CXXC1: variants seen among roughly 807,000 people sequenced by gnomAD.
CXXC1 encodes the protein CXXC finger protein 1, also known as CXXC-type zinc finger protein 1.
In CXXC1, 21 loss-of-function variants were observed where a neutral mutation model predicts 83.6. The ratio of observed to expected loss-of-function variants is 0.25; its 90% CI spans 0.18 to 0.36. CXXC1 has a LOEUF of 0.36. CXXC1 is among the 10% of genes least tolerant of loss of function. The probability of loss-of-function intolerance (pLI) is 1.00; values close to 1 mark genes in which losing one functional copy is unlikely to be tolerated. For synonymous variants in CXXC1, 371 were observed against 337.5 expected, an observed-to-expected ratio of 1.10 and a Z score of -1.09; for missense variants, 688 against 919.5, an observed-to-expected ratio of 0.75 and a Z score of 3.26.
At position 50,285,482 on chromosome 18, in the gene CXXC1, C is replaced by G; in HGVS notation, c.640-131G>C. 8.4e-7 allele frequency: 1 copy of G among 1,187,552 alleles called. No individual in the cohort carries two copies. Among genetic ancestry groups the G allele is most frequent in the Non-Finnish European group, 1.2e-6 (1 of 855,370 alleles). 73.6% of individuals were successfully genotyped at this position (1,187,552 alleles called of 1,614,324 possible). ...CCGCTACCCCTCATTGCCAGGAATG[C>G]TCAGCCCTGCCTGATCTGTACCAAC... On this transcript the variant is annotated intron_variant, in intron 5 of 14. Transcript: ENST00000285106. This position sits in a 1 kb window ranked among gnomAD's most constrained non-coding sequence, Gnocchi z 4.4.
rs2040695993 is a variant in CXXC1, at chr18:50,285,294, G to A, written c.666+31C>T. 1.9e-6 allele frequency: 3 copies of A among 1,610,566 alleles called. No homozygotes were observed. The highest frequency in any genetic ancestry group is 2.7e-5 in the African/African-American group (2 of 75,000). The stretch of plus-strand genomic sequence containing the variant: ...CTGGCCCTGACCGCCCTGCCCGCAT[G>A]CCCCACCCCACCCTGGGGGGCTGGA... On this transcript the variant is annotated intron_variant, in intron 6 of 14. Coordinates refer to ENST00000285106, the MANE Select transcript of CXXC1 (RefSeq NM_014593.4). The surrounding 1 kb of genome is among the most constrained non-coding windows in gnomAD (Gnocchi z 4.4).
intron 9 of CXXC1, 72 bp downstream of exon 9, chr18:50,284,306 A>G: frequency 6.6e-7 from 1 of 1,518,656 alleles, no homozygotes; most frequent in Non-Finnish European, 8.8e-7. Flanking sequence ...TGACTGGTAG[A>G]CATACAGAAG....
At chr18:50,287,128 G>A (rs778561755) in intron 1 of CXXC1, 24 of 521,648 alleles carry the variant, frequency 4.6e-5, no homozygotes, top group Non-Finnish European at 7.3e-5. Context: ...ACCCTCCATC[G>A]TGGCGCCTCA....
In CXXC1 at chr18:50,285,870, TCACACTCAC is replaced by T; in HGVS notation, c.509_517del (p.Gly170_Cys172del). ...ACAGTCCTCAGTGCGCCGACATGCCTCACACTCACCACACATGCGGGCTGACCGTTTGAT... is the reference window on the plus strand; with the variant it reads ...ACAGTCCTCAGTGCGCCGACATGCCTCACACATGCGGGCTGACCGTTTGAT... On this transcript the variant is annotated inframe_deletion, in exon 5 of 15. Coordinates refer to ENST00000285106, the MANE Select transcript of CXXC1 (RefSeq NM_014593.4). The surrounding 1 kb of genome is among the most constrained non-coding windows in gnomAD (Gnocchi z 4.4). 1 of 1,614,182 alleles carries T rather than the reference TCACACTCAC, an allele frequency of 6.2e-7. No homozygotes were observed. Among genetic ancestry groups the T allele is most frequent in the East Asian group, 2.2e-5 (1 of 44,882 alleles).
rs1243651000 is a variant in CXXC1, at chr18:50,282,561, A to G, written c.*32T>C. On this transcript the variant is annotated 3_prime_UTR_variant, in exon 15 of 15. Transcript: ENST00000285106. The surrounding 1 kb of genome is among the most constrained non-coding windows in gnomAD (Gnocchi z 5.8). ...GCACCGGGCGGCTCCCCCATCTGGA[A>G]TGCAGGGTGTAAGGGGTCCGGGCCA... 1.2e-6 allele frequency: 2 copies of G among 1,600,496 alleles called. No homozygotes were observed. The highest frequency in any genetic ancestry group is 1.7e-6 in the Non-Finnish European group (2 of 1,178,674).
chr18:50,286,674 G>C, intron 2 of CXXC1, 35 bp from the exon 3 acceptor site: 1 of 1,611,192 alleles, frequency 6.2e-7, no homozygotes, highest in East Asian at 2.2e-5. Flanking sequence ...GAGATGTGAG[G>C]GGCGCGGCCC....
chr18:50,283,908 G>A lies in CXXC1; in HGVS notation c.1399C>T (p.Arg467Cys), dbSNP rs754927781. ...TGCTTGCTCACCTCCTCATCCTCGC[G>A]CACAGCCTGCTGCTTGGCACGTAGA... is the stretch of plus-strand genomic sequence containing the variant. ...IILRAKQQAV[R>C]EDEESNEGDS... The change falls in exon 10 of 15, where the codon CGC (arginine) becomes TGC (cysteine). Residue 467 changes from arginine to cysteine, a missense_variant. By Grantham distance (180) the Arg-to-Cys change is radical. Coordinates refer to ENST00000285106, the MANE Select transcript of CXXC1 (RefSeq NM_014593.4). 9.3e-6 allele frequency: 15 copies of A among 1,613,962 alleles called. No homozygotes were observed. Among genetic ancestry groups the A allele is most frequent in the South Asian group, 3.3e-5 (3 of 91,076 alleles).
In CXXC1 at chr18:50,285,260, A is replaced by G; in HGVS notation, c.667-13T>C. On this transcript the variant is annotated splice_polypyrimidine_tract_variant and intron_variant, in intron 6 of 14. Coordinates refer to ENST00000285106, the MANE Select transcript of CXXC1 (RefSeq NM_014593.4). This position sits in a 1 kb window ranked among gnomAD's most constrained non-coding sequence, Gnocchi z 4.4. ...TCACTGGTGAGAGCTGCAGGGCAGA[A>G]TCTCAGGACTGGCCCTGACCGCCCT... is the stretch of plus-strand genomic sequence containing the variant. 1 of 1,613,946 alleles carries G rather than the reference A, an allele frequency of 6.2e-7. No individual in the cohort carries two copies. Among genetic ancestry groups the G allele is most frequent in the Middle Eastern group, 1.7e-4 (1 of 6,058 alleles).
At position 50,283,378 on chromosome 18, in the gene CXXC1, G is replaced by T; in HGVS notation, c.1575-17C>A. ...CGTGTGGCCCTGGGGATTTGGAGTA[G>T]AGAGGGCAGTAGAGGGAGGGAAGGG... On this transcript the variant is annotated splice_polypyrimidine_tract_variant and intron_variant, in intron 12 of 14. Coordinates refer to ENST00000285106, the MANE Select transcript of CXXC1 (RefSeq NM_014593.4). The T allele has an allele frequency of 6.2e-7, 1 of 1,609,706 alleles. No individual in the cohort carries two copies. Among genetic ancestry groups the T allele is most frequent in the Non-Finnish European group, 8.5e-7 (1 of 1,176,132 alleles).
chr18:50,283,188 G>T, intron 13 of CXXC1, 77 bp downstream of exon 13: 2 of 1,350,536 alleles, frequency 1.5e-6, no homozygotes, highest in South Asian at 1.2e-5. Context: ...AAAGTGAGGT[G>T]AGGAAGGAAG....
chr18:50,284,278 G>A, intron 9 of CXXC1, 100 bp downstream of exon 9: 1 of 1,513,262 alleles, frequency 6.6e-7, no homozygotes, highest in East Asian at 2.3e-5. Context: ...GCTGTTTGGT[G>A]ACTGGTGGAT....
At position 50,285,429 on chromosome 18, in the gene CXXC1, C is replaced by A; in HGVS notation, c.640-78G>T. 6.7e-7 allele frequency: 1 copy of A among 1,486,766 alleles called. No individual in the cohort carries two copies. The highest frequency in any genetic ancestry group is 1.3e-5 in the South Asian group (1 of 74,304). 92.1% of individuals were successfully genotyped at this position (1,486,766 alleles called of 1,614,324 possible). On this transcript the variant is annotated intron_variant, in intron 5 of 14. Coordinates refer to ENST00000285106, the MANE Select transcript of CXXC1 (RefSeq NM_014593.4). The surrounding 1 kb of genome is among the most constrained non-coding windows in gnomAD (Gnocchi z 4.4). Reference sequence around the variant, plus strand: ...CTTGCCCTAGCCCTACCCACCTGGCCTGGCCTTACCTCCCCAGACACACCT... The same window carrying A: ...CTTGCCCTAGCCCTACCCACCTGGCATGGCCTTACCTCCCCAGACACACCT...
chr18:50,287,454 C>T (rs2040733450), intron 1 of CXXC1, 133 bp downstream of exon 1: 2 of 1,088,294 alleles, frequency 1.8e-6, no homozygotes, highest in Non-Finnish European at 1.4e-6. Flanking sequence ...ATCATTCTGC[C>T]CATAGACTCC....
Position 50,286,190 on chromosome 18 carries a change from C to T in CXXC1, c.291G>A (p.Arg97=), listed in dbSNP as rs1433299690. The T allele has an allele frequency of 1.9e-6, 3 of 1,613,750 alleles. No individual in the cohort carries two copies. Among genetic ancestry groups the T allele is most frequent in the Non-Finnish European group, 2.5e-6 (3 of 1,179,974 alleles). ...KKSRERDGNE[R]DSSEPRDEGG... ...CCTCATCCCGGGGCTCACTGCTGTC[C>T]CGCTCATTGCCATCCCGCTCCCGTG... The change falls in exon 4 of 15, where the codon CGG becomes CGA. Residue 97 remains arginine, a synonymous_variant. Coordinates refer to ENST00000285106, the MANE Select transcript of CXXC1 (RefSeq NM_014593.4).
chr18:50,285,041 A>G lies in CXXC1; in HGVS notation c.873T>C (p.Tyr291=), dbSNP rs2040690701. ...CAAAGGCCCCTGCACAGAAGTCCTG[A>G]TACAGGTCAGGATCCAGAGGTAGGT... ...DEDLPLDPDL[Y]QDFCAGAFDD... Residue 291 remains tyrosine, a synonymous_variant, in exon 7 of 15, where the codon TAT becomes TAC. Transcript: ENST00000285106. This position sits in a 1 kb window ranked among gnomAD's most constrained non-coding sequence, Gnocchi z 4.4. The G allele has an allele frequency of 6.2e-7, 1 of 1,614,106 alleles. No homozygotes were observed. Among genetic ancestry groups the G allele is most frequent in the Non-Finnish European group, 8.5e-7 (1 of 1,180,046 alleles).
At position 50,284,829 on chromosome 18, in the gene CXXC1, C is replaced by T; in HGVS notation, c.923G>A (p.Ser308Asn). 2 of 1,614,174 alleles carry T rather than the reference C, an allele frequency of 1.2e-6. No homozygotes were observed. Among genetic ancestry groups the T allele is most frequent in the Admixed American group, 1.7e-5 (1 of 60,026 alleles). Residue 308 changes from serine to asparagine, a missense_variant, in exon 8 of 15, where the codon AGC (serine) becomes AAC (asparagine). By Grantham distance (46) the Ser-to-Asn change is conservative. This residue lies in a region of CXXC1 where 190 missense variants were observed against 199.7 expected (regional missense o/e 0.95). Transcript: ENST00000285106. ...AFDDHGLPWM[S>N]DTEESPFLDP... Reference sequence around the variant, plus strand: ...CAGGAATGGGGACTCTTCTGTGTCGCTCATCCAGGGCTGCAAGCAGGGCAT... The same window carrying T: ...CAGGAATGGGGACTCTTCTGTGTCGTTCATCCAGGGCTGCAAGCAGGGCAT...
chr18:50,283,217 G>T, intron 13 of CXXC1, 48 bp downstream of exon 13: 1 of 1,490,536 alleles, frequency 6.7e-7, no homozygotes, highest in South Asian at 1.1e-5. Context: ...GTGGGACAGC[G>T]AGGCAGGGAG....
chr18:50,285,311 G>C lies in CXXC1; in HGVS notation c.666+14C>G. ...GCCCGCATGCCCCACCCCACCCTGG[G>C]GGGCTGGACTCACCGAGGAAGGGAA... On this transcript the variant is annotated intron_variant, in intron 6 of 14. Transcript: ENST00000285106. This position sits in a 1 kb window ranked among gnomAD's most constrained non-coding sequence, Gnocchi z 4.4. 2 of 1,607,226 alleles carry C rather than the reference G, an allele frequency of 1.2e-6. No individual in the cohort carries two copies. The highest frequency in any genetic ancestry group is 1.7e-6 in the Non-Finnish European group (2 of 1,175,672).
At position 50,284,553 on chromosome 18, in the gene CXXC1, G is replaced by A. The variant is rs1441733260; in HGVS notation, c.1030C>T (p.Arg344Ter). The A allele has an allele frequency of 1.3e-6, 2 of 1,585,836 alleles. No individual in the cohort carries two copies. Among genetic ancestry groups the A allele is most frequent in the South Asian group, 1.2e-5 (1 of 86,332 alleles). The change falls in exon 9 of 15, where the codon CGA becomes TGA. Residue 344 changes from arginine (R) to a stop codon, truncating the protein, a stop_gained. Transcript: ENST00000285106. LOFTEE classifies it high-confidence loss of function. ...TGCTTCTGCCGATGCCGCTTGTATC[G>A]CTCCTCCTTCTGTTGAGCAAGACAA... Reference protein sequence around the residue: ...EKKSEKKKEERYKRHRQKQKH... With the variant: ...EKKSEKKKEE
Sources: allele counts gnomAD v4.1 joint callset, GRCh38; gene constraint gnomAD v4.1.1; regional missense constraint gnomAD v4.1.1; non-coding constraint Gnocchi (gnomAD v3.1); transcripts MANE v1.5; gene names NCBI Gene and HGNC (gene_info 2026-07-23, HGNC 2026-07-21).